MIPOL1: variants seen among roughly 807,000 people sequenced by gnomAD.
MIPOL1 encodes mirror-image polydactyly 1.
MIPOL1 carries 57 observed loss-of-function variants against 60.9 expected under a neutral mutation model. The observed-to-expected ratio is 0.94, with a 90% CI of 0.76 to 1.17. The LOEUF (loss-of-function observed/expected upper bound fraction) is 1.17, where lower values mean the gene tolerates loss of function less well. Ranked by LOEUF, MIPOL1 falls within the 50% of genes most tolerant of loss-of-function variation. The pLI is 0.00. For missense variants in MIPOL1, 551 were observed against 511.6 expected (o/e 1.08, Z -0.74); for synonymous variants, 179 against 168.8 (o/e 1.06, Z -0.47).
chr14:37,299,114 G>C (rs573440812), intron 7 of MIPOL1, among the ~76,000 whole-genome samples: 4 of 152,258 alleles, frequency 2.6e-5, no homozygotes, highest in Admixed American at 6.5e-5. Flanking sequence ...ATACTCTGCA[G>C]CCATAAAAAA....
intron 1 of MIPOL1, among the ~76,000 whole-genome samples, chr14:37,222,424 G>C (rs1431461287): frequency 6.7e-6 from 1 of 149,234 alleles, no homozygotes; most frequent in Non-Finnish European, 1.5e-5. Context: ...AGAGGTTATA[G>C]CTCTCTATGT....
chr14:37,439,500 T>C (rs893531896), intron 11 of MIPOL1, among the ~76,000 whole-genome samples: 1 of 152,208 alleles, frequency 6.6e-6, no homozygotes, highest in Non-Finnish European at 1.5e-5. Flanking sequence ...ATTAAACTTA[T>C]ACTCAAAAGA....
chr14:37,392,144 A>G (rs2093262171), intron 10 of MIPOL1, among the ~76,000 whole-genome samples: 1 of 152,130 alleles, frequency 6.6e-6, no homozygotes, highest in Non-Finnish European at 1.5e-5. Flanking sequence ...AAAAAAATCC[A>G]GTTGGGCTTT....
chr14:37,519,265 A>G (rs1374519723), intron 12 of MIPOL1, among the ~76,000 whole-genome samples: 2 of 152,154 alleles, frequency 1.3e-5, no homozygotes, highest in Non-Finnish European at 2.9e-5. Flanking sequence ...TAGGATAGCA[A>G]CTGCCTTAGA....
intron 10 of MIPOL1, among the ~76,000 whole-genome samples, chr14:37,382,320 C>G (rs1466143246): frequency 2.0e-5 from 3 of 151,976 alleles, no homozygotes; most frequent in African/African-American, 4.8e-5. Context: ...TTTGTTAGAT[C>G]TTAAAACTTA....
chr14:37,273,109 A>C (rs1374437159), intron 6 of MIPOL1, among the ~76,000 whole-genome samples: 1 of 151,254 alleles, frequency 6.6e-6, no homozygotes, highest in African/African-American at 2.4e-5. Flanking sequence ...ATACATTTAT[A>C]ATTTGAGACA....
intron 9 of MIPOL1, among the ~76,000 whole-genome samples, chr14:37,323,616 A>G (rs1217650659): frequency 3.9e-5 from 6 of 152,056 alleles, no homozygotes; most frequent in African/African-American, 1.4e-4. Flanking sequence ...GATTTCAGAT[A>G]AAATTTACAT....
At chr14:37,390,231 C>A (rs947632013) in intron 10 of MIPOL1, among the ~76,000 whole-genome samples, 2 of 151,460 alleles carry the variant, frequency 1.3e-5, no homozygotes, top group Non-Finnish European at 2.9e-5. Flanking sequence ...AGAAAAAAAA[C>A]AAAAAACAAA....
chr14:37,499,499 T>C (rs1395861193), intron 11 of MIPOL1, among the ~76,000 whole-genome samples: 1 of 152,136 alleles, frequency 6.6e-6, no homozygotes, highest in Non-Finnish European at 1.5e-5. Context: ...TCTCATTAAG[T>C]GCTTGGCAGA....
In MIPOL1 at chr14:37,456,568, GTAA is replaced by G. The variant is rs371674377; in HGVS notation, c.1031+33620_1031+33622del. ...ATCCACTATTTCAATCCCAAGCCAGGTAAATATGGAATTATAAGGGCAATAAAC... is the reference window on the plus strand; with the variant it reads ...ATCCACTATTTCAATCCCAAGCCAGGATATGGAATTATAAGGGCAATAAAC... On this transcript the variant is annotated intron_variant, in intron 11 of 12. Transcript: ENST00000684589. 1.4e-3 allele frequency among the ~76,000 whole-genome samples: 212 copies of G among 152,050 alleles called. 4 individuals are homozygous for G. The highest frequency in any genetic ancestry group is 4.8e-3 in the African/African-American group (201 of 41,508).
chr14:37,230,713 T>TA (rs1247744506), intron 1 of MIPOL1, among the ~76,000 whole-genome samples: 1 of 152,188 alleles, frequency 6.6e-6, no homozygotes, highest in East Asian at 1.9e-4. Flanking sequence ...TCAGTTTTGT[T>TA]AGGTTTACTG....
intron 1 of MIPOL1, among the ~76,000 whole-genome samples, chr14:37,198,727 G>A (rs1292912079): frequency 1.3e-5 from 2 of 152,270 alleles, no homozygotes; most frequent in African/African-American, 2.4e-5. Context: ...AAACACACGC[G>A]TTTGGAAAAG....
At chr14:37,333,673 T>C (rs914526880) in intron 9 of MIPOL1, among the ~76,000 whole-genome samples, 2 of 152,020 alleles carry the variant, frequency 1.3e-5, no homozygotes, top group South Asian at 4.1e-4. Flanking sequence ...TCACCAGAAA[T>C]ACATAACAAT....
intron 11 of MIPOL1, among the ~76,000 whole-genome samples, chr14:37,447,358 G>T (rs948117190): frequency 6.6e-6 from 1 of 152,034 alleles, no homozygotes; most frequent in Non-Finnish European, 1.5e-5. Flanking sequence ...GTAATGGTTT[G>T]TATAATAATA....
At chr14:37,307,368 C>CAGTAAAGGTAAAGGTAAA (rs1413869043) in intron 7 of MIPOL1, among the ~76,000 whole-genome samples, 5 of 151,832 alleles carry the variant, frequency 3.3e-5, no homozygotes, top group Non-Finnish European at 7.4e-5. Context: ...TTTACCTTTA[C>CAGTAAAGGTAAAGGTAAA]TGCATTTCTT....
chr14:37,280,424 A>G (rs190204774), intron 6 of MIPOL1, among the ~76,000 whole-genome samples: 94 of 152,310 alleles, frequency 6.2e-4, no homozygotes, highest in African/African-American at 2.2e-3. Flanking sequence ...GTAGTAATTT[A>G]CAATACCACC....
intron 10 of MIPOL1, among the ~76,000 whole-genome samples, chr14:37,393,449 G>T (rs2093299714): frequency 6.7e-6 from 1 of 149,672 alleles, no homozygotes. Flanking sequence ...GTGGGGGTTT[G>T]TTTTGTTTTG....
chr14:37,324,002 T>C (rs2088890418), intron 9 of MIPOL1, among the ~76,000 whole-genome samples: 1 of 152,114 alleles, frequency 6.6e-6, no homozygotes, highest in South Asian at 2.1e-4. Flanking sequence ...TTTTATCTAT[T>C]ATGATTAAGA....
At chr14:37,501,111 A>T (rs899015259) in intron 12 of MIPOL1, among the ~76,000 whole-genome samples, 1 of 152,176 alleles carries the variant, frequency 6.6e-6, no homozygotes, top group Non-Finnish European at 1.5e-5. Flanking sequence ...TTTAAATTAG[A>T]CCATTTTAAA....
Sources: allele counts gnomAD v4.1 joint callset (sites outside exome capture counted in the v4.1 genomes callset), GRCh38; gene constraint gnomAD v4.1.1; transcripts MANE v1.5; gene names NCBI Gene and HGNC (gene_info 2026-07-23, HGNC 2026-07-21).